ASTN2: variants seen among roughly 807,000 people sequenced by gnomAD.
The protein encoded by ASTN2 is astrotactin 2, also known as astrotactin-2.
ASTN2 carries 54 observed loss-of-function variants against 139.8 expected under a neutral mutation model. The observed-to-expected ratio is 0.39, with a 90% CI of 0.31 to 0.48. ASTN2 has a LOEUF of 0.48. Among genes scored for constraint, ASTN2 ranks in the 20% least tolerant of loss-of-function variants. The pLI is 0.95. For missense variants in ASTN2, 1,565 were observed against 1,725.1 expected, an observed-to-expected ratio of 0.91 and a Z score of 1.64; for synonymous variants, 756 against 719.5, an observed-to-expected ratio of 1.05 and a Z score of -0.81.
chr9:116,622,782 A>G (rs1033642524), intron 17 of ASTN2, among the ~76,000 whole-genome samples: 6 of 152,248 alleles, frequency 3.9e-5, no homozygotes, highest in Admixed American at 3.9e-4. Context: ...CTATTTGCAT[A>G]TAAAGTGTCT....
chr9:116,630,825 A>G (rs1056789246), intron 17 of ASTN2, among the ~76,000 whole-genome samples: 1 of 151,294 alleles, frequency 6.6e-6, no homozygotes, highest in African/African-American at 2.4e-5. Flanking sequence ...ACAAAGGGTT[A>G]ATATCCAGAA....
At chr9:117,222,239 T>C (rs1832546815) in intron 2 of ASTN2, among the ~76,000 whole-genome samples, 1 of 152,222 alleles carries the variant, frequency 6.6e-6, no homozygotes, top group African/African-American at 2.4e-5. Context: ...GTCCTCATCA[T>C]CTATCTTTGT....
chr9:116,626,709 G>A (rs999835955), intron 17 of ASTN2, among the ~76,000 whole-genome samples: 8 of 152,130 alleles, frequency 5.3e-5, no homozygotes, highest in African/African-American at 1.9e-4. Flanking sequence ...GATGGGAGGT[G>A]AAGAGATAGT....
At chr9:117,198,427 T>C (rs564962674) in intron 3 of ASTN2, among the ~76,000 whole-genome samples, 5 of 152,126 alleles carry the variant, frequency 3.3e-5, no homozygotes, top group African/African-American at 9.6e-5. Context: ...CCTTTTTTAT[T>C]ATACTTTAAG....
chr9:116,936,081 C>T (rs1564348754), intron 10 of ASTN2, among the ~76,000 whole-genome samples: 8 of 127,652 alleles, frequency 6.3e-5, no homozygotes, highest in East Asian at 2.4e-4. Context: ...ACCACCATCA[C>T]CACTACCACC....
chr9:117,229,834 AC>A (rs1386033670), intron 2 of ASTN2, among the ~76,000 whole-genome samples: 5 of 151,988 alleles, frequency 3.3e-5, no homozygotes, highest in Non-Finnish European at 7.4e-5. Context: ...TGGTATTGGG[AC>A]CACTTCAGAG....
chr9:117,171,309 C>G (rs1436785527), intron 3 of ASTN2, among the ~76,000 whole-genome samples: 1 of 152,102 alleles, frequency 6.6e-6, no homozygotes, highest in Non-Finnish European at 1.5e-5. Flanking sequence ...AGTAAAGGCT[C>G]CAGAGAAAGC....
chr9:117,401,105 C>T (rs1046039807), intron 1 of ASTN2, among the ~76,000 whole-genome samples: 13 of 152,128 alleles, frequency 8.5e-5, no homozygotes, highest in Admixed American at 8.5e-4. Flanking sequence ...AACTTTAGCT[C>T]CTGGAATCCT....
chr9:116,851,192 A>G (rs1241946309), intron 11 of ASTN2, among the ~76,000 whole-genome samples: 12 of 152,202 alleles, frequency 7.9e-5, no homozygotes, highest in South Asian at 4.1e-4. Context: ...AGAATCACAT[A>G]AAAGAGCTGC....
At chr9:116,514,706 TC>T (rs986921769) in intron 19 of ASTN2, among the ~76,000 whole-genome samples, 1 of 151,976 alleles carries the variant, frequency 6.6e-6, no homozygotes, top group African/African-American at 2.4e-5. Context: ...CAGCAAAGCC[TC>T]CCCCAGCCTC....
chr9:116,940,246 C>T (rs1207642432), intron 10 of ASTN2, among the ~76,000 whole-genome samples: 1 of 152,162 alleles, frequency 6.6e-6, no homozygotes, highest in Non-Finnish European at 1.5e-5. Context: ...CATGCTGGGC[C>T]TTTTTATTGT....
intron 2 of ASTN2, among the ~76,000 whole-genome samples, chr9:117,233,084 G>A (rs999277526): frequency 2.0e-5 from 3 of 152,194 alleles, no homozygotes; most frequent in African/African-American, 4.8e-5. Context: ...TGGAGCTTGC[G>A]TTCTTCCAGT....
At chr9:116,434,319 C>T (rs1028992457) in intron 22 of ASTN2, among the ~76,000 whole-genome samples, 27 of 152,202 alleles carry the variant, frequency 1.8e-4, no homozygotes, top group African/African-American at 5.8e-4. Flanking sequence ...CCTAAGTCTG[C>T]TCTTGTTCCC....
chr9:116,990,038 A>G (rs919307022), intron 7 of ASTN2, among the ~76,000 whole-genome samples: 4 of 152,034 alleles, frequency 2.6e-5, no homozygotes, highest in African/African-American at 9.7e-5. Context: ...TTTCTTTTAG[A>G]ATGCTCTGCA....
intron 2 of ASTN2, among the ~76,000 whole-genome samples, chr9:117,242,230 A>G (rs1325301741): frequency 6.6e-6 from 1 of 151,998 alleles, no homozygotes; most frequent in Non-Finnish European, 1.5e-5. Flanking sequence ...GACATAGCCT[A>G]CATCCTCCCA....
At chr9:116,728,229 G>T (rs367780668) in intron 15 of ASTN2, among the ~76,000 whole-genome samples, 14 of 152,120 alleles carry the variant, frequency 9.2e-5, no homozygotes, top group Non-Finnish European at 1.3e-4. Flanking sequence ...CCCAAGCCCC[G>T]CCCACAGTTC....
chr9:117,104,156 G>C (rs1829048288), intron 4 of ASTN2, among the ~76,000 whole-genome samples: 1 of 152,142 alleles, frequency 6.6e-6, no homozygotes, highest in South Asian at 2.1e-4. Context: ...GATTCATGCT[G>C]AATTTTTAAA....
chr9:116,920,098 A>G (rs1461744486), intron 10 of ASTN2, among the ~76,000 whole-genome samples: 1 of 152,144 alleles, frequency 6.6e-6, no homozygotes, highest in African/African-American at 2.4e-5. Context: ...TTCTGTGTAC[A>G]ATGGAAATGG....
chr9:117,236,614 T>G (rs1436243299), intron 2 of ASTN2, among the ~76,000 whole-genome samples: 1 of 152,164 alleles, frequency 6.6e-6, no homozygotes, highest in Non-Finnish European at 1.5e-5. Context: ...AGTGTCAGTC[T>G]CATACTAATT....
Sources: allele counts gnomAD v4.1 joint callset (sites outside exome capture counted in the v4.1 genomes callset), GRCh38; gene constraint gnomAD v4.1.1; transcripts MANE v1.5; gene names NCBI Gene and HGNC (gene_info 2026-07-23, HGNC 2026-07-21).